ARL9: variants seen among roughly 807,000 people sequenced by gnomAD.
The protein encoded by ARL9 is ADP-ribosylation factor-like protein 9.
A neutral mutation model predicts 27.0 loss-of-function variants in ARL9; 14 were observed. The ratio of observed to expected loss-of-function variants is 0.52; its 90% CI spans 0.34 to 0.81. The LOEUF is 0.81. Among genes scored for constraint, ARL9 ranks in the 30% least tolerant of loss-of-function variants. The pLI is 0.01. For synonymous variants in ARL9, 106 were observed against 108.7 expected (o/e 0.98, Z 0.15); for missense variants, 294 against 290.0 (o/e 1.01, Z -0.10).
intron 1 of ARL9, among the ~76,000 whole-genome samples, chr4:56,510,137 A>G (rs180845151): frequency 1.3e-5 from 2 of 151,880 alleles, no homozygotes; most frequent in East Asian, 3.9e-4. Flanking sequence ...AGGTGGGCAG[A>G]TCACGAGGTC....
chr4:56,509,434 A>T (rs1030181047), intron 1 of ARL9, among the ~76,000 whole-genome samples: 3 of 151,950 alleles, frequency 2.0e-5, no homozygotes, highest in African/African-American at 7.2e-5. Context: ...TCTTGGCCTC[A>T]AGCGATCCAC....
intron 2 of ARL9, among the ~76,000 whole-genome samples, chr4:56,516,628 A>G (rs1721774715): frequency 6.6e-6 from 1 of 151,820 alleles, no homozygotes; most frequent in Admixed American, 6.6e-5. Flanking sequence ...ATCTGATAAT[A>G]TCAAGTTTTG....
intron 1 of ARL9, 138 bp downstream of exon 1, chr4:56,506,279 G>T: frequency 1.1e-6 from 1 of 921,764 alleles, no homozygotes; most frequent in Non-Finnish European, 1.4e-6. Context: ...TTTACCTATG[G>T]ATGAAAGAGA....
intron 1 of ARL9, among the ~76,000 whole-genome samples, chr4:56,508,690 T>C (rs1271840427): frequency 6.6e-6 from 1 of 152,180 alleles, no homozygotes; most frequent in Non-Finnish European, 1.5e-5. Flanking sequence ...CGGCCTACTT[T>C]TTTTCAAATT....
chr4:56,521,130 G>C (rs1721903352), intron 3 of ARL9, among the ~76,000 whole-genome samples: 1 of 151,544 alleles, frequency 6.6e-6, no homozygotes, highest in East Asian at 1.9e-4. Context: ...AGAATCACTT[G>C]AACCCGGGAG....
intron 1 of ARL9, among the ~76,000 whole-genome samples, chr4:56,510,555 G>A (rs1486358562): frequency 3.3e-5 from 5 of 152,118 alleles, no homozygotes; most frequent in Middle Eastern, 3.4e-3. Flanking sequence ...TCATAGACAC[G>A]AATTCAAGAA....
Position 56,523,711 on chromosome 4 carries a change from C to G in ARL9, c.633C>G (p.Ala211=). The change falls in exon 4 of 4, where the codon GCC becomes GCG. Residue 211 remains alanine, a synonymous_variant. Coordinates refer to ENST00000640821, the MANE Select transcript of ARL9 (RefSeq NM_001363794.2). The part of the protein sequence containing the change: ...VFANKQDLEA[A]YHITDIHEAL... ...TCCGGATGAAGGATCTTGAAGCAGC[C>G]TATCACATTACAGATATCCATGAAG... 1.2e-6 allele frequency: 2 copies of G among 1,613,022 alleles called. No homozygotes were observed. Among genetic ancestry groups the G allele is most frequent in the Non-Finnish European group, 1.7e-6 (2 of 1,179,400 alleles).
chr4:56,508,530 G>A (rs1410894481), intron 1 of ARL9, among the ~76,000 whole-genome samples: 1 of 152,094 alleles, frequency 6.6e-6, no homozygotes, highest in Non-Finnish European at 1.5e-5. Context: ...GGGATTACTG[G>A]CATTCGCCAC....
chr4:56,506,043 G>T lies in ARL9; in HGVS notation c.181G>T (p.Gly61Trp), dbSNP rs113810069. ...KEKEEKRTKQGKETNKEKEQF... is the reference protein window; with the variant it reads ...KEKEEKRTKQWKETNKEKEQF... The stretch of plus-strand genomic sequence containing the variant: ...GAAAGAGGAAAAGAGGACAAAGCAA[G>T]GGAAGGAGACAAACAAAGAGAAGGA... The change falls in exon 1 of 4, where the codon GGG (glycine) becomes TGG (tryptophan). Residue 61 changes from glycine (G) to tryptophan (W), a missense_variant. Gly to Trp is a radical substitution (Grantham distance 184). Coordinates refer to ENST00000640821, the MANE Select transcript of ARL9 (RefSeq NM_001363794.2). 1.0e-3 allele frequency: 1,242 copies of T among 1,230,872 alleles called. 36 individuals are homozygous for T. In the South Asian group the frequency reaches 0.035, roughly 35 times the overall value. The allele number at this position is 1,230,872 out of a possible 1,614,324, so 76.2% of individuals were successfully genotyped here.
chr4:56,516,259 G>A (rs1721763420), intron 2 of ARL9, among the ~76,000 whole-genome samples: 2 of 152,102 alleles, frequency 1.3e-5, no homozygotes, highest in African/African-American at 4.8e-5. Flanking sequence ...AAAGCTTTGT[G>A]GAGAAAATAT....
Position 56,509,182 on chromosome 4 carries a change from C to CTT in ARL9, c.280-1998_280-1997dup, listed in dbSNP as rs1287074651. Among the ~76,000 whole-genome samples the CTT allele has an allele frequency of 2.0e-3, 305 of 149,460 alleles. 3 individuals carry two copies. Among genetic ancestry groups the CTT allele is most frequent in the African/African-American group, 7.3e-3 (297 of 40,438 alleles). ...CTAAGGCTAATACGTTGATAGAATG[C>CTT]TTTTTTCTTTTTCTTTTTCTTTTTT... On this transcript the variant is annotated intron_variant, in intron 1 of 3. Transcript: ENST00000640821.
chr4:56,508,257 C>T (rs1721525673), intron 1 of ARL9, among the ~76,000 whole-genome samples: 1 of 152,098 alleles, frequency 6.6e-6, no homozygotes, highest in South Asian at 2.1e-4. Flanking sequence ...CTCAGAATGA[C>T]ATCATAACAT....
intron 1 of ARL9, among the ~76,000 whole-genome samples, chr4:56,508,463 A>G (rs927904345): frequency 2.6e-5 from 4 of 152,048 alleles, no homozygotes; most frequent in African/African-American, 9.6e-5. Flanking sequence ...GCTCATTGCA[A>G]CCTCCACCTC....
intron 2 of ARL9, among the ~76,000 whole-genome samples, chr4:56,518,386 G>A (rs914523915): frequency 6.6e-6 from 1 of 152,104 alleles, no homozygotes; most frequent in East Asian, 1.9e-4. Flanking sequence ...TGGCTGACAT[G>A]GCTGCTGTGG....
chr4:56,505,301 C>T (rs530348543), upstream of ARL9: 5 of 430,394 alleles, frequency 1.2e-5, no homozygotes, highest in African/African-American at 2.0e-5. Flanking sequence ...CGGGAGAGGG[C>T]GGAGAAATAC....
upstream of ARL9, chr4:56,505,371 G>T: frequency 2.2e-6 from 1 of 457,228 alleles, no homozygotes; most frequent in Non-Finnish European, 4.4e-6. Context: ...AATCCTCCCG[G>T]AACCTCTGGA....
rs1030881072 is a variant in ARL9, at chr4:56,511,065, A to G, written c.280-120A>G. 42 of 1,012,246 alleles carry G rather than the reference A, an allele frequency of 4.1e-5. No homozygotes were observed. In the African/African-American group the frequency reaches 5.2e-4, roughly 13 times the overall value. The allele number at this position is 1,012,246 out of a possible 1,614,324, so 62.7% of individuals were successfully genotyped here. A position where few individuals can be genotyped will look rare whatever the true frequency, so the allele number is the denominator to read the frequency against. The stretch of plus-strand genomic sequence containing the variant: ...TGGGATTACAGGCGTGAGCCACCGC[A>G]CCTGGCCCGTGGAGTTTTATTCTGG... On this transcript the variant is annotated intron_variant, in intron 1 of 3. Coordinates refer to ENST00000640821, the MANE Select transcript of ARL9 (RefSeq NM_001363794.2).
rs756089755 is a variant in ARL9, at chr4:56,523,819, C to T, written c.741C>T (p.Pro247=). The part of the protein sequence containing the change: ...TYLTKNGSEI[P]STMQDAKDLI... ...TGACTAAGAATGGCTCAGAGATACC[C>T]TCCACCATGCAAGATGCCAAAGACT... Residue 247 remains proline (P), a synonymous_variant, in exon 4 of 4, where the codon CCC becomes CCT. Transcript: ENST00000640821. 8.1e-6 allele frequency: 13 copies of T among 1,613,878 alleles called. No individual in the cohort carries two copies. Among genetic ancestry groups the T allele is most frequent in the Non-Finnish European group, 1.7e-6 (2 of 1,179,884 alleles).
At chr4:56,514,003 A>C (rs1327827243) in intron 2 of ARL9, among the ~76,000 whole-genome samples, 2 of 152,066 alleles carry the variant, frequency 1.3e-5, no homozygotes, top group African/African-American at 4.8e-5. Flanking sequence ...AACCCCATCT[A>C]TACAAAAAAT....
Sources: gnomAD v4.1 joint callset for allele counts (sites outside exome capture counted in the v4.1 genomes callset) on GRCh38, gnomAD v4.1.1 for gene constraint, MANE v1.5 for transcripts, NCBI Gene and HGNC (gene_info 2026-07-23, HGNC 2026-07-21) for gene names.